SGSH: variants seen among roughly 807,000 people sequenced by gnomAD.
SGSH encodes N-sulfoglucosamine sulfohydrolase, also known as heparan sulfate sulfatase.
Under a neutral mutation model 51.0 loss-of-function variants are expected in SGSH, and 48 were observed. The observed-to-expected ratio is 0.94, with a 90% CI of 0.75 to 1.20. The LOEUF is 1.20. Ranked by LOEUF, SGSH falls within the 50% of genes most tolerant of loss-of-function variation. The pLI, the probability that SGSH is intolerant of heterozygous loss-of-function variation, is 0.00. For missense variants in SGSH, 662 were observed against 717.8 expected (o/e 0.92, Z 0.89); for synonymous variants, 321 against 313.4 (o/e 1.02, Z -0.26).
chr17:80,220,302 G>A lies in SGSH; in HGVS notation c.12C>T (p.Pro4=), dbSNP rs921772690. The change falls in exon 1 of 8, where the codon CCC becomes CCT. Residue 4 remains proline, a synonymous_variant. Transcript: ENST00000326317. The part of the protein sequence containing the change: MSC[P]VPACCALLLV... ...GCAGCAGCGCGCAGCAGGCGGGCAC[G>A]GGGCAGCTCATGGCGGCGGCGGCTC... 1.2e-5 allele frequency: 18 copies of A among 1,505,718 alleles called. No individual in the cohort carries two copies. The highest frequency in any genetic ancestry group is 1.1e-4 in the East Asian group (4 of 37,270). 93.3% of individuals were successfully genotyped at this position (1,505,718 alleles called of 1,614,324 possible). A position where few individuals can be genotyped will look rare whatever the true frequency, so the allele number is the denominator to read the frequency against.
chr17:80,209,220 A>T, downstream of SGSH: 1 of 753,414 alleles, frequency 1.3e-6, no homozygotes, highest in Non-Finnish European at 1.6e-6. Context: ...TCATTTTGAC[A>T]GCAGTGTCCA....
chr17:80,217,992 C>A (rs2041954798), intron 1 of SGSH, among the ~76,000 whole-genome samples: 1 of 152,188 alleles, frequency 6.6e-6, no homozygotes, highest in Non-Finnish European at 1.5e-5. Flanking sequence ...GGCATGTTAG[C>A]AGGCAGGCAT....
chr17:80,202,182 TA>T, downstream of SGSH: 1 of 1,613,008 alleles, frequency 6.2e-7, no homozygotes, highest in Non-Finnish European at 8.5e-7. Context: ...TTTATCAGGT[TA>T]TAAGAGGCTA....
At chr17:80,208,298 G>A (rs575494155), downstream of SGSH, 166 of 1,604,366 alleles carry the variant, frequency 1.0e-4, no homozygotes, top group Admixed American at 2.6e-4. Context: ...CCAGGCCATC[G>A]CCGACGAGCA....
At chr17:80,202,064 G>T, downstream of SGSH, 1 of 1,227,528 alleles carries the variant, frequency 8.1e-7, no homozygotes, top group South Asian at 1.4e-5. Context: ...TCCAGTGCCA[G>T]AGCAGCTTCT....
chr17:80,213,768 T>C lies in SGSH; in HGVS notation c.745+36A>G. 1.3e-6 allele frequency: 2 copies of C among 1,549,628 alleles called. No individual in the cohort carries two copies. The highest frequency in any genetic ancestry group is 1.7e-6 in the Non-Finnish European group (2 of 1,144,012). ...GGCCCAGGATGGGGGACCCCGGCCG[T>C]GGCACCCCCTCCAGTGCCCGGTTCT... On this transcript the variant is annotated intron_variant, in intron 6 of 7. Transcript: ENST00000326317. This position sits in a 1 kb window ranked among gnomAD's most constrained non-coding sequence, Gnocchi z 4.6.
downstream of SGSH, chr17:80,204,459 G>C (rs924528182): frequency 1.0e-6 from 1 of 984,886 alleles, no homozygotes; most frequent in Non-Finnish European, 1.5e-6. Context: ...GCCAGGATCT[G>C]GTCTTCAAGA....
chr17:80,211,536 C>T (rs766547195), intron 7 of SGSH: 17 of 266,162 alleles, frequency 6.4e-5, no homozygotes, highest in Non-Finnish European at 7.3e-5. Context: ...GTGTCTTTGT[C>T]TGCACATCCA....
Position 80,214,760 on chromosome 17 carries a change from T to C in SGSH, c.361A>G (p.Ile121Val). Residue 121 changes from isoleucine to valine, a missense_variant, in exon 4 of 8, where the codon ATC becomes GTC. Transcript: ENST00000326317. ...TCCGGCCCCACGTGCTTCTTCCCGA[T>C]GATGCCTGGGCGGGAAGAGAGGCCT... is the stretch of plus-strand genomic sequence containing the variant. ...LSQAGVRTGI[I>V]GKKHVGPETV... 1 of 1,611,702 alleles carries C rather than the reference T, an allele frequency of 6.2e-7. No individual in the cohort carries two copies. The highest frequency in any genetic ancestry group is 8.5e-7 in the Non-Finnish European group (1 of 1,179,986).
chr17:80,217,071 G>A lies in SGSH; in HGVS notation c.210C>T (p.Cys70=), dbSNP rs2144781434. 3 of 1,595,622 alleles carry A rather than the reference G, an allele frequency of 1.9e-6. No individual in the cohort carries two copies. The highest frequency in any genetic ancestry group is 2.7e-5 in the African/African-American group (2 of 74,946). Residue 70 remains cysteine (C), a synonymous_variant, in exon 2 of 8, where the codon TGC becomes TGT. Transcript: ENST00000326317. ...TGAGGAGGCTGGCGCGGCTGGGAGA[G>A]CAGCTGCTGACCGAGGTGAAGGCAT... ...FRNAFTSVSS[C]SPSRASLLTG...
At chr17:80,211,221 G>T in intron 7 of SGSH, 2 of 1,394,802 alleles carry the variant, frequency 1.4e-6, no homozygotes, top group Non-Finnish European at 1.9e-6. Flanking sequence ...CTGATTCGGT[G>T]ACATTTAGGA....
At chr17:80,217,878 C>A (rs974302850) in intron 1 of SGSH, among the ~76,000 whole-genome samples, 8 of 149,088 alleles carry the variant, frequency 5.4e-5, no homozygotes, top group Non-Finnish European at 1.0e-4. Flanking sequence ...AGGCATGATA[C>A]CCGGTGGGTA....
downstream of SGSH, chr17:80,202,215 G>A: frequency 6.2e-7 from 1 of 1,613,996 alleles, no homozygotes; most frequent in Non-Finnish European, 8.5e-7. Flanking sequence ...GGAGGCCAAA[G>A]TGGCGACCTC....
intron 2 of SGSH, among the ~76,000 whole-genome samples, chr17:80,215,388 G>A (rs919905434): frequency 6.6e-6 from 1 of 152,246 alleles, no homozygotes; most frequent in Non-Finnish European, 1.5e-5. Flanking sequence ...ACACGAGGGT[G>A]GCCTTGATGT....
chr17:80,217,314 G>T, intron 1 of SGSH, 122 bp from the exon 2 acceptor site: 6 of 1,168,258 alleles, frequency 5.1e-6, no homozygotes, highest in Non-Finnish European at 7.4e-6. Flanking sequence ...CATGGTACTG[G>T]CTCAGTGTGA....
At chr17:80,215,442 C>T (rs2041854776) in intron 2 of SGSH, among the ~76,000 whole-genome samples, 1 of 152,378 alleles carries the variant, frequency 6.6e-6, no homozygotes, top group South Asian at 2.1e-4. Flanking sequence ...GTTATGATCA[C>T]ACGTTACAGA....
rs2041586363 is a variant in SGSH, at chr17:80,210,384, G to A, written c.*68C>T. On this transcript the variant is annotated 3_prime_UTR_variant, in exon 8 of 8. Transcript: ENST00000326317. ...TTGCCACTACTCCCCAGGCTGGCCGGCCACACGGACACGTGTGGGATGTGT... is the reference window on the plus strand; with the variant it reads ...TTGCCACTACTCCCCAGGCTGGCCGACCACACGGACACGTGTGGGATGTGT... The A allele has an allele frequency of 6.0e-6, 9 of 1,490,236 alleles. No individual in the cohort carries two copies. In the South Asian group the frequency reaches 1.0e-4, roughly 17 times the overall value. 92.3% of individuals were successfully genotyped at this position (1,490,236 alleles called of 1,614,324 possible). A position where few individuals can be genotyped will look rare whatever the true frequency, so the allele number is the denominator to read the frequency against.
chr17:80,217,254 A>C, intron 1 of SGSH, 62 bp from the exon 2 acceptor site: 1 of 1,551,816 alleles, frequency 6.4e-7, no homozygotes, highest in Non-Finnish European at 8.7e-7. Flanking sequence ...CAGCACTGGG[A>C]GTGAGGGAGG....
Position 80,213,724 on chromosome 17 carries a change from C to T in SGSH, c.745+80G>A, listed in dbSNP as rs987365787. 33 of 1,234,812 alleles carry T rather than the reference C, an allele frequency of 2.7e-5. No individual in the cohort carries two copies. The highest frequency in any genetic ancestry group is 2.6e-4 in the Middle Eastern group (1 of 3,804). 76.5% of individuals were successfully genotyped at this position (1,234,812 alleles called of 1,614,324 possible). A position where few individuals can be genotyped will look rare whatever the true frequency, so the allele number is the denominator to read the frequency against. ...ACTGGGACCCTCACCCACATTATGC[C>T]GTGACCTAAGAGGGCGCTGGCCCAG... is the stretch of plus-strand genomic sequence containing the variant. On this transcript the variant is annotated intron_variant, in intron 6 of 7. Transcript: ENST00000326317. This position sits in a 1 kb window ranked among gnomAD's most constrained non-coding sequence, Gnocchi z 4.6.
Sources: gnomAD v4.1 joint callset for allele counts (sites outside exome capture counted in the v4.1 genomes callset) on GRCh38, gnomAD v4.1.1 for gene constraint, Gnocchi (gnomAD v3.1) non-coding constraint, MANE v1.5 for transcripts, NCBI Gene and HGNC (gene_info 2026-07-23, HGNC 2026-07-21) for gene names.